The following LRRC2 variants were observed in gnomAD, a reference collection of about 807,000 sequenced individuals.
LRRC2 encodes leucine-rich repeat-containing protein 2.
In LRRC2, 27 loss-of-function variants were observed where a neutral mutation model predicts 40.2. The observed-to-expected ratio is 0.67, with a 90% CI of 0.49 to 0.93. LRRC2 has a LOEUF of 0.93. LRRC2 is among the 40% of genes least tolerant of loss of function. The pLI, the probability that LRRC2 is intolerant of heterozygous loss-of-function variation, is 0.00. For missense variants in LRRC2, 402 were observed against 439.6 expected, an observed-to-expected ratio of 0.91 and a Z score of 0.76; for synonymous variants, 147 against 158.9, an observed-to-expected ratio of 0.92 and a Z score of 0.56.
rs867814817 is a variant in LRRC2, at chr3:46,517,323, T to C, written c.*1691A>G. ...AGTTATAACAATAATAATATTGTTA[T>C]TGCTGTTTGTTTTGCTTTTGAGACA... On this transcript the variant is annotated 3_prime_UTR_variant, in exon 9 of 9. Transcript: ENST00000395905. The C allele has an allele frequency of 6.6e-5, 10 of 151,782 alleles. No individual in the cohort carries two copies. Among genetic ancestry groups the C allele is most frequent in the Non-Finnish European group, 1.0e-4 (7 of 67,956 alleles). 9.4% of individuals were successfully genotyped at this position (151,782 alleles called of 1,614,324 possible).
chr3:46,517,138 T>C lies in LRRC2; in HGVS notation c.*1876A>G, dbSNP rs1158039371. On this transcript the variant is annotated 3_prime_UTR_variant, in exon 9 of 9. Coordinates refer to ENST00000395905, the MANE Select transcript of LRRC2 (RefSeq NM_024512.5). The stretch of plus-strand genomic sequence containing the variant: ...AATCACATGTGTCTGGTTTACCACG[T>C]TGGACAACGCAAATACAGAACATTT... 6.6e-6 allele frequency: 1 copy of C among 152,176 alleles called. No homozygotes were observed. The highest frequency in any genetic ancestry group is 2.4e-5 in the African/African-American group (1 of 41,430). The allele number at this position is 152,176 out of a possible 1,614,324, so 9.4% of individuals were successfully genotyped here.
intron 4 of LRRC2, among the ~76,000 whole-genome samples, chr3:46,533,702 TTTCC>T (rs372699647): frequency 0.17 from 15,237 of 89,232 alleles, 1,089 homozygotes; most frequent in Middle Eastern, 0.22. Flanking sequence ...GTATTCACAG[TTTCC>T]TTCCTTCCTT....
chr3:46,527,609 A>C, intron 6 of LRRC2, 28 bp from the exon 7 acceptor site: 3 of 1,604,198 alleles, frequency 1.9e-6, no homozygotes, highest in Non-Finnish European at 2.6e-6. Context: ...CAATCATAGC[A>C]CTGGACTTAG....
intron 4 of LRRC2, among the ~76,000 whole-genome samples, chr3:46,533,925 TTTTAC>T (rs1256251738): frequency 6.6e-6 from 1 of 151,550 alleles, no homozygotes; most frequent in African/African-American, 2.4e-5. Context: ...ATTTTTTTTG[TTTTAC>T]TTTTAGTTCT....
chr3:46,534,464 CTTTCTTT>C (rs1478239030), intron 4 of LRRC2, among the ~76,000 whole-genome samples: 1 of 139,576 alleles, frequency 7.2e-6, no homozygotes, highest in African/African-American at 2.7e-5. Flanking sequence ...TTCTTTCTTT[CTTTCTTT>C]GTTTCTTTCT....
intron 5 of LRRC2, among the ~76,000 whole-genome samples, chr3:46,530,823 G>A (rs543161968): frequency 7.9e-5 from 12 of 152,278 alleles, no homozygotes; most frequent in African/African-American, 2.4e-4. Context: ...CTCCCACAAC[G>A]TGTGGGAATT....
chr3:46,562,051 A>G (rs756343117), intron 1 of LRRC2, among the ~76,000 whole-genome samples: 2 of 152,222 alleles, frequency 1.3e-5, no homozygotes, highest in Admixed American at 6.5e-5. Flanking sequence ...CCCTTTAAAA[A>G]GGTAGAACTT....
intron 7 of LRRC2, among the ~76,000 whole-genome samples, chr3:46,526,142 C>T (rs530599403): frequency 1.5e-4 from 23 of 152,014 alleles, no homozygotes; most frequent in Admixed American, 9.8e-4. Flanking sequence ...TTAGTAGAGA[C>T]GGGGTTTCAC....
At chr3:46,532,190 T>C (rs1455788589) in intron 5 of LRRC2, among the ~76,000 whole-genome samples, 1 of 152,214 alleles carries the variant, frequency 6.6e-6, no homozygotes, top group Admixed American at 6.5e-5. Flanking sequence ...ACAACAGGCA[T>C]CTTATAATAC....
At position 46,527,593 on chromosome 3, in the gene LRRC2, T is replaced by G. The variant is rs186269099; in HGVS notation, c.774-12A>C. ...GCAGCTCCTCTAGCCTAAGAAGAGG[T>G]AAAAACAATCATAGCACTGGACTTA... On this transcript the variant is annotated splice_polypyrimidine_tract_variant and intron_variant, in intron 6 of 8. Transcript: ENST00000395905. 2.5e-6 allele frequency: 4 copies of G among 1,612,364 alleles called. No homozygotes were observed. The African/African-American group carries it at 5.3e-5, about 22-fold the overall frequency.
chr3:46,561,002 G>C (rs1009812001), intron 1 of LRRC2, among the ~76,000 whole-genome samples: 1 of 152,192 alleles, frequency 6.6e-6, no homozygotes, highest in Admixed American at 6.5e-5. Flanking sequence ...TTTTGTTTTA[G>C]TACAGGGCTG....
intron 1 of LRRC2, chr3:46,559,113 A>ATTTTTC (rs1170854222): frequency 6.6e-6 from 1 of 152,212 alleles, no homozygotes; most frequent in African/African-American, 2.4e-5. Context: ...AGTGCATTTA[A>ATTTTTC]TTTTTCTTTT....
chr3:46,535,827 T>G (rs747070909), intron 4 of LRRC2, among the ~76,000 whole-genome samples: 11 of 152,172 alleles, frequency 7.2e-5, no homozygotes, highest in Non-Finnish European at 1.5e-4. Flanking sequence ...ATAATAATAA[T>G]AATGGCTAGT....
intron 8 of LRRC2, among the ~76,000 whole-genome samples, chr3:46,519,533 C>G (rs1448401280): frequency 6.6e-6 from 1 of 152,166 alleles, no homozygotes; most frequent in East Asian, 1.9e-4. Context: ...GTTGCTGACC[C>G]CTCTTCTCTC....
rs1387911000 is a variant in LRRC2 at position 46,516,348 on chromosome 3, G to T, written c.*2666C>A. On this transcript the variant is annotated 3_prime_UTR_variant, in exon 9 of 9. Transcript: ENST00000395905. Reference sequence around the variant, plus strand: ...CTACCATGTGGTTTTAGAATGCTCTGCCTGTTTTACACCTGTTGAGAATAA... The same window carrying T: ...CTACCATGTGGTTTTAGAATGCTCTTCCTGTTTTACACCTGTTGAGAATAA... 1 of 151,994 alleles carries T rather than the reference G, an allele frequency of 6.6e-6. No individual in the cohort carries two copies. Among genetic ancestry groups the T allele is most frequent in the African/African-American group, 2.4e-5 (1 of 41,364 alleles). 9.4% of individuals were successfully genotyped at this position (151,994 alleles called of 1,614,324 possible). A position where few individuals can be genotyped will look rare whatever the true frequency, so the allele number is the denominator to read the frequency against.
chr3:46,551,351 T>G, intron 2 of LRRC2, 116 bp downstream of exon 2: 2 of 1,331,124 alleles, frequency 1.5e-6, no homozygotes, highest in Non-Finnish European at 2.1e-6. Context: ...TGAGGAAAAT[T>G]TTACCAACAG....
chr3:46,546,139 TG>T (rs1704520701), intron 2 of LRRC2, among the ~76,000 whole-genome samples: 2 of 152,238 alleles, frequency 1.3e-5, no homozygotes, highest in Non-Finnish European at 2.9e-5. Context: ...TCAGGTCTTC[TG>T]GGGGCTACTT....
chr3:46,544,098 C>G (rs1704467682), intron 3 of LRRC2, among the ~76,000 whole-genome samples: 1 of 101,572 alleles, frequency 9.8e-6, no homozygotes. Context: ...TAAAAGACAG[C>G]CCCAGGTCAC....
intron 7 of LRRC2, among the ~76,000 whole-genome samples, chr3:46,524,110 A>G (rs1226685119): frequency 6.6e-6 from 1 of 152,168 alleles, no homozygotes; most frequent in Non-Finnish European, 1.5e-5. Context: ...TCAATAAATA[A>G]TATTTACGTT....
Sources: gnomAD v4.1 joint callset for allele counts (sites outside exome capture counted in the v4.1 genomes callset) on GRCh38, gnomAD v4.1.1 for gene constraint, MANE v1.5 for transcripts, NCBI Gene and HGNC (gene_info 2026-07-23, HGNC 2026-07-21) for gene names.